Variants in FAM227B observed in about 807,000 individuals in gnomAD.
The protein encoded by FAM227B is protein FAM227B.
A neutral mutation model predicts 73.8 loss-of-function variants in FAM227B; 88 were observed. The ratio of observed to expected loss-of-function variants is 1.19; its 90% CI spans 1.00 to 1.42. The LOEUF (loss-of-function observed/expected upper bound fraction) is 1.42, where lower values mean the gene tolerates loss of function less well. Ranked by LOEUF, FAM227B falls within the 40% of genes most tolerant of loss-of-function variation. The probability of loss-of-function intolerance (pLI) is 0.00; values close to 1 mark genes in which losing one functional copy is unlikely to be tolerated. For missense variants in FAM227B, 632 were observed against 590.9 expected, an observed-to-expected ratio of 1.07 and a Z score of -0.72; for synonymous variants, 210 against 190.5, an observed-to-expected ratio of 1.10 and a Z score of -0.84.
At chr15:49,391,022 G>A (rs904291740) in intron 11 of FAM227B, among the ~76,000 whole-genome samples, 1 of 151,862 alleles carries the variant, frequency 6.6e-6, no homozygotes, top group African/African-American at 2.4e-5. Flanking sequence ...TGTAGTTTCC[G>A]GCAACTCACT....
At chr15:49,553,724 C>T (rs894520088) in intron 9 of FAM227B, among the ~76,000 whole-genome samples, 2 of 152,214 alleles carry the variant, frequency 1.3e-5, no homozygotes, top group Admixed American at 6.5e-5. Context: ...CCAATGTTCC[C>T]TTAAGGGCCA....
In FAM227B at chr15:49,327,782, T is replaced by C; in HGVS notation, c.*786A>G. ...ATACAATGAAAAAATTCCAAATCAC[T>C]CTCTGAAACAGTATAAATGTCTTAA... On this transcript the variant is annotated 3_prime_UTR_variant, in exon 16 of 16. Coordinates refer to ENST00000299338, the MANE Select transcript of FAM227B (RefSeq NM_152647.3). 1.8e-6 allele frequency: 1 copy of C among 541,994 alleles called. No individual in the cohort carries two copies. The highest frequency in any genetic ancestry group is 3.0e-6 in the Non-Finnish European group (1 of 328,140). The allele number at this position is 541,994 out of a possible 1,614,324, so 33.6% of individuals were successfully genotyped here.
chr15:49,549,800 T>C (rs980842093), intron 9 of FAM227B, among the ~76,000 whole-genome samples: 1 of 152,180 alleles, frequency 6.6e-6, no homozygotes, highest in Non-Finnish European at 1.5e-5. Context: ...AAAACCGCCA[T>C]TGTCATCATG....
chr15:49,374,858 T>G (rs185091185), intron 11 of FAM227B, among the ~76,000 whole-genome samples: 2 of 152,344 alleles, frequency 1.3e-5, no homozygotes, highest in Admixed American at 1.3e-4. Context: ...GAGTATATTC[T>G]TAATGTCTTA....
At chr15:49,417,290 G>A (rs985771281) in intron 11 of FAM227B, among the ~76,000 whole-genome samples, 1 of 152,136 alleles carries the variant, frequency 6.6e-6, no homozygotes, top group Non-Finnish European at 1.5e-5. Flanking sequence ...CTACTCAGGA[G>A]GCGGGAGGAT....
At chr15:49,513,862 C>T (rs1161763974) in intron 10 of FAM227B, among the ~76,000 whole-genome samples, 1 of 152,120 alleles carries the variant, frequency 6.6e-6, no homozygotes, top group African/African-American at 2.4e-5. Flanking sequence ...AATCCTTTCC[C>T]CATCGCTTGT....
intron 10 of FAM227B, among the ~76,000 whole-genome samples, chr15:49,512,535 T>C (rs1351564889): frequency 6.6e-6 from 1 of 152,174 alleles, no homozygotes; most frequent in Non-Finnish European, 1.5e-5. Context: ...CTTAGATTCA[T>C]ACGAATTCTT....
chr15:49,515,106 T>C (rs2059289731), intron 10 of FAM227B, among the ~76,000 whole-genome samples: 1 of 152,122 alleles, frequency 6.6e-6, no homozygotes, highest in Non-Finnish European at 1.5e-5. Flanking sequence ...TCCAATTACA[T>C]ATATGCCTGA....
intron 10 of FAM227B, among the ~76,000 whole-genome samples, chr15:49,537,000 G>A (rs899582143): frequency 1.3e-5 from 2 of 152,064 alleles, no homozygotes; most frequent in Non-Finnish European, 2.9e-5. Context: ...TCTTGACACT[G>A]ACATATGTGA....
rs781441423 is a variant in FAM227B at position 49,603,085 on chromosome 15, CT to C, written c.105+8129del. On this transcript the variant is annotated intron_variant, in intron 3 of 15. Coordinates refer to ENST00000299338, the MANE Select transcript of FAM227B (RefSeq NM_152647.3). ...TTTGAAGTCAGGTAATGTGATTCCT[CT>C]TGTTTTACTCTTTTGCTTAGAATAG... 1.3e-4 allele frequency among the ~76,000 whole-genome samples: 19 copies of C among 151,976 alleles called. No individual in the cohort carries two copies. The South Asian group carries it at 3.9e-3, about 31-fold the overall frequency.
intron 11 of FAM227B, among the ~76,000 whole-genome samples, chr15:49,489,877 TATATATAGAGAGAG>T (rs2056898576): frequency 1.1e-4 from 2 of 17,588 alleles, no homozygotes; most frequent in Admixed American, 2.5e-3. Context: ...TATATATATA[TATATATAGAGAGAG>T]AGAGAGAGAG....
intron 11 of FAM227B, among the ~76,000 whole-genome samples, chr15:49,431,101 C>T (rs2050576681): frequency 6.6e-6 from 1 of 151,722 alleles, no homozygotes; most frequent in African/African-American, 2.4e-5. Flanking sequence ...TTTTATATAT[C>T]TCACAATAAA....
intron 11 of FAM227B, among the ~76,000 whole-genome samples, chr15:49,470,376 A>C (rs184429065): frequency 1.3e-5 from 2 of 152,278 alleles, no homozygotes; most frequent in Admixed American, 6.5e-5. Context: ...CCAATAAGCA[A>C]TTCTGTTGAT....
At chr15:49,595,135 T>A (rs2076816679) in intron 3 of FAM227B, among the ~76,000 whole-genome samples, 1 of 152,104 alleles carries the variant, frequency 6.6e-6, no homozygotes, top group Non-Finnish European at 1.5e-5. Flanking sequence ...TAGAGGTCTT[T>A]CATCTCCTTG....
intron 8 of FAM227B, among the ~76,000 whole-genome samples, chr15:49,569,992 T>A (rs2074976037): frequency 6.6e-6 from 1 of 152,014 alleles, no homozygotes; most frequent in African/African-American, 2.4e-5. Flanking sequence ...ATTGTGTACT[T>A]ACACCACATT....
intron 11 of FAM227B, among the ~76,000 whole-genome samples, chr15:49,420,855 G>A (rs886594224): frequency 6.6e-6 from 1 of 152,006 alleles, no homozygotes. Context: ...ACAGGCGCCC[G>A]CTACCATGCC....
At chr15:49,352,588 T>C (rs2042407421) in intron 13 of FAM227B, among the ~76,000 whole-genome samples, 1 of 152,192 alleles carries the variant, frequency 6.6e-6, no homozygotes, top group African/African-American at 2.4e-5. Context: ...ATTTTCCTAT[T>C]CTGTGTTATG....
intron 11 of FAM227B, among the ~76,000 whole-genome samples, chr15:49,379,259 A>G (rs184835946): frequency 2.0e-4 from 30 of 152,188 alleles, no homozygotes; most frequent in Admixed American, 1.9e-3. Context: ...ATTGGTCTGT[A>G]GTTTTCTTTT....
intron 10 of FAM227B, among the ~76,000 whole-genome samples, chr15:49,518,231 T>A (rs2059522675): frequency 6.6e-6 from 1 of 152,196 alleles, no homozygotes; most frequent in Admixed American, 6.5e-5. Context: ...ATTATTGTAT[T>A]AACCTGCACT....
Sources: allele counts gnomAD v4.1 joint callset (sites outside exome capture counted in the v4.1 genomes callset), GRCh38; gene constraint gnomAD v4.1.1; transcripts MANE v1.5; gene names NCBI Gene and HGNC (gene_info 2026-07-23, HGNC 2026-07-21).